ABI3BP: variants seen among roughly 807,000 people sequenced by gnomAD.
ABI3BP encodes target of Nesh-SH3.
ABI3BP carries 216 observed loss-of-function variants against 268.6 expected under a neutral mutation model. The observed-to-expected ratio is 0.80, with a 90% confidence interval of 0.72 to 0.90. ABI3BP has a LOEUF of 0.90. ABI3BP is among the 40% of genes least tolerant of loss of function. The pLI is 0.00. For missense variants in ABI3BP, 2,090 were observed against 2,182.4 expected (o/e 0.96, Z 0.84); for synonymous variants, 730 against 730.0 (o/e 1.00, Z 0.00).
chr3:100,756,641 G>A (rs1244420465), intron 63 of ABI3BP, among the ~76,000 whole-genome samples: 4 of 152,108 alleles, frequency 2.6e-5, no homozygotes, highest in Non-Finnish European at 4.4e-5. Flanking sequence ...TTCCACATTC[G>A]TTCCAGGCCA....
intron 20 of ABI3BP, among the ~76,000 whole-genome samples, chr3:100,842,472 C>A (rs889337138): frequency 5.9e-5 from 9 of 152,150 alleles, no homozygotes; most frequent in African/African-American, 2.2e-4. Context: ...CTGGACCTGA[C>A]GTTCTCTCAC....
At chr3:100,985,772 C>A (rs2091558968) in intron 1 of ABI3BP, among the ~76,000 whole-genome samples, 1 of 152,194 alleles carries the variant, frequency 6.6e-6, no homozygotes, top group Non-Finnish European at 1.5e-5. Context: ...TTATAATTAA[C>A]CTCAAGCACT....
At chr3:100,756,882 T>A (rs2149390942) in intron 63 of ABI3BP, among the ~76,000 whole-genome samples, 1 of 152,098 alleles carries the variant, frequency 6.6e-6, no homozygotes, top group Non-Finnish European at 1.5e-5. Context: ...CACATTTTTG[T>A]TTTGGCCTGA....
In ABI3BP at chr3:100,765,958, C is replaced by G; in HGVS notation, c.4742-9G>C. 6.3e-7 allele frequency: 1 copy of G among 1,582,526 alleles called. No individual in the cohort carries two copies. Among genetic ancestry groups the G allele is most frequent in the South Asian group, 1.1e-5 (1 of 88,800 alleles). ...GGATATAACTTCATATTCTGTAAAG[C>G]GAAAGAAGCCAACAGATACTTGTTT... On this transcript the variant is annotated splice_polypyrimidine_tract_variant and intron_variant, in intron 62 of 67. Coordinates refer to ENST00000471714, the MANE Select transcript of ABI3BP (RefSeq NM_001375547.2).
intron 1 of ABI3BP, among the ~76,000 whole-genome samples, chr3:100,983,559 G>A (rs2090558988): frequency 6.6e-6 from 1 of 152,124 alleles, no homozygotes; most frequent in Admixed American, 6.5e-5. Context: ...CAGTGGGATA[G>A]CTTAGCTCCT....
intron 50 of ABI3BP, among the ~76,000 whole-genome samples, chr3:100,807,380 T>C (rs908882586): frequency 6.6e-6 from 1 of 151,980 alleles, no homozygotes; most frequent in African/African-American, 2.4e-5. Flanking sequence ...TGGGGGAATA[T>C]TGCCTTGGTA....
At chr3:100,903,258 T>G (rs893096509) in intron 2 of ABI3BP, among the ~76,000 whole-genome samples, 1 of 152,244 alleles carries the variant, frequency 6.6e-6, no homozygotes, top group Non-Finnish European at 1.5e-5. Context: ...GTTGGTATAA[T>G]TTTCATTTTA....
At chr3:100,938,242 C>T (rs1001780740) in intron 1 of ABI3BP, among the ~76,000 whole-genome samples, 1 of 151,612 alleles carries the variant, frequency 6.6e-6, no homozygotes, top group Non-Finnish European at 1.5e-5. Context: ...CAACAAACTC[C>T]TGTGACATGA....
intron 1 of ABI3BP, among the ~76,000 whole-genome samples, chr3:100,971,527 A>G (rs913869157): frequency 2.0e-5 from 3 of 152,154 alleles, no homozygotes; most frequent in African/African-American, 7.2e-5. Flanking sequence ...CAAGTTTGGA[A>G]TGGGGCAAGA....
intron 6 of ABI3BP, among the ~76,000 whole-genome samples, chr3:100,884,483 T>G (rs1212492671): frequency 1.3e-5 from 2 of 152,126 alleles, no homozygotes; most frequent in East Asian, 3.9e-4. Flanking sequence ...TTTTAGTCAG[T>G]TCTACTTTAT....
chr3:100,990,675 T>C (rs551725457), intron 1 of ABI3BP, among the ~76,000 whole-genome samples: 1 of 151,434 alleles, frequency 6.6e-6, no homozygotes, highest in African/African-American at 2.4e-5. Flanking sequence ...TAAAGAAATT[T>C]ACAAGAAACT....
intron 15 of ABI3BP, among the ~76,000 whole-genome samples, chr3:100,851,632 C>T (rs1414716773): frequency 1.3e-5 from 2 of 152,172 alleles, no homozygotes; most frequent in African/African-American, 2.4e-5. Flanking sequence ...CATTACTTTT[C>T]CTCAGTGGCA....
intron 2 of ABI3BP, among the ~76,000 whole-genome samples, chr3:100,919,653 T>C (rs567797482): frequency 6.6e-6 from 1 of 152,364 alleles, no homozygotes; most frequent in South Asian, 2.1e-4. Flanking sequence ...GGTTGAATTT[T>C]AGCCCAAATG....
At chr3:100,980,763 C>T (rs2088960278) in intron 1 of ABI3BP, among the ~76,000 whole-genome samples, 1 of 152,130 alleles carries the variant, frequency 6.6e-6, no homozygotes, top group South Asian at 2.1e-4. Flanking sequence ...TACAGGATCA[C>T]CATTTCTTGG....
intron 66 of ABI3BP, among the ~76,000 whole-genome samples, chr3:100,752,014 G>T (rs1046615277): frequency 2.6e-5 from 4 of 152,168 alleles, no homozygotes; most frequent in Admixed American, 2.6e-4. Flanking sequence ...GGCCATACTG[G>T]TGGAACTGGC....
chr3:100,825,872 T>C, intron 34 of ABI3BP, 28 bp from the exon 35 acceptor site: 4 of 1,476,832 alleles, frequency 2.7e-6, no homozygotes, highest in South Asian at 1.2e-5. Context: ...ACAAAAGAGA[T>C]GGTAAAAAAT....
In ABI3BP at chr3:100,759,562, G is replaced by A. The variant is rs186640216; in HGVS notation, c.4851-4871C>T. 2.5e-4 allele frequency among the ~76,000 whole-genome samples: 38 copies of A among 152,234 alleles called. 1 individual carries two copies. Among genetic ancestry groups the A allele is most frequent in the Middle Eastern group, 3.4e-3 (1 of 294 alleles). On this transcript the variant is annotated intron_variant, in intron 63 of 67. Coordinates refer to ENST00000471714, the MANE Select transcript of ABI3BP (RefSeq NM_001375547.2). Reference sequence around the variant, plus strand: ...TTTTGTGTTCCCCCACTTCTGTGGGGACACAAATTCCAGAGTTGGGCTGTA... The same window carrying A: ...TTTTGTGTTCCCCCACTTCTGTGGGAACACAAATTCCAGAGTTGGGCTGTA...
chr3:100,865,645 C>T (rs191689423), intron 10 of ABI3BP, among the ~76,000 whole-genome samples: 2 of 152,222 alleles, frequency 1.3e-5, no homozygotes, highest in African/African-American at 4.8e-5. Flanking sequence ...AACACAATAA[C>T]CCTGAGTAAT....
chr3:100,760,023 C>T (rs2095853799), intron 63 of ABI3BP, among the ~76,000 whole-genome samples: 1 of 152,152 alleles, frequency 6.6e-6, no homozygotes, highest in African/African-American at 2.4e-5. Flanking sequence ...TAAGAAATTG[C>T]TGTGTCTATT....
Sources: gnomAD v4.1 joint callset for allele counts (sites outside exome capture counted in the v4.1 genomes callset) on GRCh38, gnomAD v4.1.1 for gene constraint, MANE v1.5 for transcripts, NCBI Gene and HGNC (gene_info 2026-07-23, HGNC 2026-07-21) for gene names.